TRDN: variants seen among roughly 807,000 people sequenced by gnomAD.
TRDN encodes the protein triadin, also known as triadin in skeletal muscle.
In TRDN, 161 loss-of-function variants were observed where a neutral mutation model predicts 149.7. That is an observed-to-expected ratio of 1.08 (90% CI 0.95 to 1.23). The LOEUF is 1.23. Among genes scored for constraint, TRDN ranks in the 50% most tolerant of loss-of-function variants. The pLI, the probability that TRDN is intolerant of heterozygous loss-of-function variation, is 0.00. For missense variants in TRDN, 896 were observed against 823.5 expected, an observed-to-expected ratio of 1.09 and a Z score of -1.08; for synonymous variants, 294 against 250.5, an observed-to-expected ratio of 1.17 and a Z score of -1.64.
At chr6:123,602,934 A>T (rs7755142) in intron 1 of TRDN, among the ~76,000 whole-genome samples, 37,617 of 140,714 alleles carry the variant, frequency 0.27, 4,843 homozygotes, top group East Asian at 0.46. Flanking sequence ...ACAGTTATTT[A>T]AAAAAAAATC....
intron 40 of TRDN, 110 bp downstream of exon 40, chr6:123,221,377 A>G (rs1775141915): frequency 3.4e-6 from 2 of 592,616 alleles, no homozygotes; most frequent in Admixed American, 7.9e-5. Context: ...TGTCTATGCT[A>G]AAAAATTTTT....
intron 35 of TRDN, among the ~76,000 whole-genome samples, chr6:123,256,115 A>G (rs545088407): frequency 3.5e-4 from 53 of 151,902 alleles, no homozygotes; most frequent in African/African-American, 1.0e-3. Context: ...AGAGGCCCCA[A>G]TGTGTGATGT....
At chr6:123,539,171 G>T (rs1366516831) in intron 4 of TRDN, among the ~76,000 whole-genome samples, 2 of 152,118 alleles carry the variant, frequency 1.3e-5, no homozygotes, top group African/African-American at 4.8e-5. Context: ...TAAACTCTCA[G>T]GTAATTTCAG....
chr6:123,266,807 T>C (rs1777022908), intron 32 of TRDN, among the ~76,000 whole-genome samples: 1 of 134,078 alleles, frequency 7.5e-6, no homozygotes, highest in Middle Eastern at 3.3e-3. Flanking sequence ...ATAATATATA[T>C]ATATTTGTAC....
In TRDN at chr6:123,636,902, G is replaced by T; in HGVS notation, c.-127C>A. On this transcript the variant is annotated 5_prime_UTR_variant, in exon 1 of 41. Transcript: ENST00000334268. ...AACCTGGGGGCTCTTCGTTTTCCTG[G>T]CTGTTTCTGCTGCTTCTTTGTTGTC... 9.9e-7 allele frequency: 1 copy of T among 1,009,962 alleles called. No homozygotes were observed. 62.6% of individuals were successfully genotyped at this position (1,009,962 alleles called of 1,614,324 possible).
intron 1 of TRDN, among the ~76,000 whole-genome samples, chr6:123,584,282 A>C (rs1361310063): frequency 6.6e-6 from 1 of 152,222 alleles, no homozygotes; most frequent in Non-Finnish European, 1.5e-5. Context: ...TATGAGGAAG[A>C]AAATAGATTT....
intron 24 of TRDN, among the ~76,000 whole-genome samples, chr6:123,289,642 T>G (rs1227206613): frequency 6.6e-6 from 1 of 152,204 alleles, no homozygotes; most frequent in African/African-American, 2.4e-5. Flanking sequence ...TTACAACCCC[T>G]TTCATAGAAA....
chr6:123,316,462 T>C lies in TRDN; in HGVS notation c.1505A>G (p.Lys502Arg), dbSNP rs1779026772. Residue 502 changes from lysine (K) to arginine (R), a missense_variant, in exon 24 of 41, where the codon AAA becomes AGA. By Grantham distance (26) the Lys-to-Arg change is conservative. Transcript: ENST00000334268. Reference sequence around the variant, plus strand: ...ATCTTACAAAATATCCTTACCTGCTTTGGACATCTTTTCATCTTTTTTAGT... The same window carrying C: ...ATCTTACAAAATATCCTTACCTGCTCTGGACATCTTTTCATCTTTTTTAGT... ...PETKKDEKMS[K>R]AGKEVKPKPP... The C allele has an allele frequency of 6.2e-7, 1 of 1,610,190 alleles. No homozygotes were observed. Among genetic ancestry groups the C allele is most frequent in the African/African-American group, 1.3e-5 (1 of 74,708 alleles).
intron 24 of TRDN, among the ~76,000 whole-genome samples, chr6:123,282,897 T>C (rs1166451589): frequency 1.3e-5 from 2 of 151,944 alleles, no homozygotes; most frequent in Non-Finnish European, 2.9e-5. Flanking sequence ...GGAAAAACTT[T>C]TATTTAGGTG....
intron 24 of TRDN, among the ~76,000 whole-genome samples, chr6:123,279,391 C>T (rs561618140): frequency 6.6e-6 from 1 of 152,210 alleles, no homozygotes; most frequent in South Asian, 2.1e-4. Context: ...ATATGACTGA[C>T]TGTGTTCCAA....
chr6:123,620,543 A>AT (rs141840581), intron 1 of TRDN, among the ~76,000 whole-genome samples: 34 of 151,704 alleles, frequency 2.2e-4, no homozygotes, highest in Middle Eastern at 3.4e-3. Flanking sequence ...TACAAATAGA[A>AT]TTTTTTTTTC....
intron 23 of TRDN, among the ~76,000 whole-genome samples, chr6:123,324,170 G>T (rs1326630085): frequency 1.3e-5 from 2 of 151,984 alleles, no homozygotes; most frequent in African/African-American, 4.8e-5. Context: ...TGTTTTTCTG[G>T]GTACCAGTAT....
In TRDN at chr6:123,335,616, A is replaced by T. The variant is rs74836425; in HGVS notation, c.1420+2003T>A. ...TAACAATTATTCCTCCAACTAGTTT[A>T]AGCTTTGGTACATGTGAAGATTTTA... On this transcript the variant is annotated intron_variant, in intron 22 of 40. Coordinates refer to ENST00000334268, the MANE Select transcript of TRDN (RefSeq NM_006073.4). Among the ~76,000 whole-genome samples, 457 of 152,002 alleles carry T rather than the reference A, an allele frequency of 3.0e-3. 15 individuals carry two copies. The East Asian group carries it at 0.076, about 25-fold the overall frequency.
chr6:123,374,559 C>T (rs1315187216), intron 19 of TRDN, among the ~76,000 whole-genome samples: 1 of 152,070 alleles, frequency 6.6e-6, no homozygotes, highest in Non-Finnish European at 1.5e-5. Context: ...TATGTGTATA[C>T]TTCAAACTGT....
intron 23 of TRDN, among the ~76,000 whole-genome samples, chr6:123,322,570 G>T (rs1779279435): frequency 6.6e-6 from 1 of 150,782 alleles, no homozygotes; most frequent in African/African-American, 2.4e-5. Flanking sequence ...GGGAGCATTG[G>T]CGAACACTTC....
chr6:123,611,962 C>T (rs1290406989), intron 1 of TRDN, among the ~76,000 whole-genome samples: 1 of 151,874 alleles, frequency 6.6e-6, no homozygotes, highest in Non-Finnish European at 1.5e-5. Flanking sequence ...TAATATACAG[C>T]ATATGAAGAA....
At chr6:123,240,133 TA>T (rs1462191541) in intron 38 of TRDN, among the ~76,000 whole-genome samples, 1 of 151,958 alleles carries the variant, frequency 6.6e-6, no homozygotes, top group Non-Finnish European at 1.5e-5. Context: ...CTCATTGTAG[TA>T]GTTACTTCTG....
At position 123,276,809 on chromosome 6, in the gene TRDN, AG is replaced by A. The variant is rs576231361; in HGVS notation, c.1567+1508del. Among the ~76,000 whole-genome samples, 3 of 152,280 alleles carry A rather than the reference AG, an allele frequency of 2.0e-5. 1 individual carries two copies. The South Asian group carries it at 6.2e-4, about 32-fold the overall frequency. ...AAAACAATGCCAGCCTGGACAAAAA[AG>A]GGACAGAGACATGATAAAATGAAGG... On this transcript the variant is annotated intron_variant, in intron 26 of 40. Transcript: ENST00000334268.
At chr6:123,400,167 GTA>G (rs374126829) in intron 12 of TRDN, among the ~76,000 whole-genome samples, 71 of 123,362 alleles carry the variant, frequency 5.8e-4, no homozygotes, top group Admixed American at 1.2e-3. Context: ...ATATGTATGT[GTA>G]TATATATATA....
Sources: gnomAD v4.1 joint callset for allele counts (sites outside exome capture counted in the v4.1 genomes callset) on GRCh38, gnomAD v4.1.1 for gene constraint, MANE v1.5 for transcripts, NCBI Gene and HGNC (gene_info 2026-07-23, HGNC 2026-07-21) for gene names.